Variants in UBE2E2 observed in about 807,000 individuals in gnomAD.
UBE2E2 encodes the protein ubiquitin-conjugating enzyme E2 E2.
In UBE2E2, 6 loss-of-function variants were observed where a neutral mutation model predicts 24.7. That is an observed-to-expected ratio of 0.24 (90% CI 0.13 to 0.48). The LOEUF (loss-of-function observed/expected upper bound fraction) is 0.48. UBE2E2 is among the 20% of genes least tolerant of loss of function. The pLI, the probability that UBE2E2 is intolerant of heterozygous loss-of-function variation, is 0.99. For synonymous variants in UBE2E2, 104 were observed against 83.6 expected, an observed-to-expected ratio of 1.24 and a Z score of -1.33; for missense variants, 169 against 245.0, an observed-to-expected ratio of 0.69 and a Z score of 2.07.
chr3:23,572,317 C>T (rs1696247786), intron 5 of UBE2E2, among the ~76,000 whole-genome samples: 1 of 152,152 alleles, frequency 6.6e-6, no homozygotes, highest in African/African-American at 2.4e-5. Flanking sequence ...GTCCTAATCA[C>T]TTCATTTTAG....
At chr3:23,320,022 T>G (rs1041490063) in intron 3 of UBE2E2, among the ~76,000 whole-genome samples, 2 of 152,108 alleles carry the variant, frequency 1.3e-5, no homozygotes, top group Non-Finnish European at 1.5e-5. Context: ...AGAAGGAGAC[T>G]TGTCACACAC....
intron 3 of UBE2E2, among the ~76,000 whole-genome samples, chr3:23,219,891 C>G (rs949136646): frequency 2.0e-5 from 3 of 152,126 alleles, no homozygotes; most frequent in Non-Finnish European, 4.4e-5. Context: ...GTGTCACATT[C>G]CACTTTGAGT....
At chr3:23,220,625 G>A (rs999843799) in intron 3 of UBE2E2, among the ~76,000 whole-genome samples, 1 of 152,170 alleles carries the variant, frequency 6.6e-6, no homozygotes, top group South Asian at 2.1e-4. Flanking sequence ...CTATCCTGAG[G>A]CCTTCACAGA....
chr3:23,454,682 C>T (rs184569429), intron 3 of UBE2E2, among the ~76,000 whole-genome samples: 62 of 152,260 alleles, frequency 4.1e-4, no homozygotes, highest in Non-Finnish European at 7.9e-4. Context: ...AGAAATAATA[C>T]GTGAATATGC....
chr3:23,396,927 G>A (rs1209166890), intron 3 of UBE2E2, among the ~76,000 whole-genome samples: 1 of 152,176 alleles, frequency 6.6e-6, no homozygotes, highest in African/African-American at 2.4e-5. Flanking sequence ...CTAGAAAGGT[G>A]AACAATAGAG....
intron 3 of UBE2E2, among the ~76,000 whole-genome samples, chr3:23,239,590 A>G (rs1697206194): frequency 6.6e-6 from 1 of 152,178 alleles, no homozygotes. Flanking sequence ...TTAGTTTTAT[A>G]ATAAAAAAGG....
At chr3:23,396,377 TTATA>T (rs994208093) in intron 3 of UBE2E2, among the ~76,000 whole-genome samples, 8 of 148,232 alleles carry the variant, frequency 5.4e-5, no homozygotes, top group African/African-American at 1.5e-4. Context: ...AAATAAAAAA[TTATA>T]TATGTATGTA....
chr3:23,578,581 T>TAG (rs1035289748), intron 5 of UBE2E2, among the ~76,000 whole-genome samples: 1 of 152,220 alleles, frequency 6.6e-6, no homozygotes, highest in African/African-American at 2.4e-5. Context: ...ATACACACCA[T>TAG]AGAATACTGT....
At chr3:23,243,709 T>A (rs1313288571) in intron 3 of UBE2E2, among the ~76,000 whole-genome samples, 1 of 152,034 alleles carries the variant, frequency 6.6e-6, no homozygotes, top group Non-Finnish European at 1.5e-5. Flanking sequence ...CTTTGTGGTA[T>A]TTTAAAAATC....
rs1180990882 is a variant in UBE2E2, at chr3:23,475,545, T to C, written c.228-24063T>C. Among the ~76,000 whole-genome samples the C allele has an allele frequency of 2.0e-5, 3 of 152,050 alleles. 1 individual carries two copies. Among genetic ancestry groups the C allele is most frequent in the African/African-American group, 7.3e-5 (3 of 41,302 alleles). On this transcript the variant is annotated intron_variant, in intron 3 of 5. Coordinates refer to ENST00000396703, the MANE Select transcript of UBE2E2 (RefSeq NM_152653.4). The stretch of plus-strand genomic sequence containing the variant: ...ACTGCTATCAGGGTGATCTTTTTCA[T>C]ATGAAAATCTGTTGTTCCATGAAAG...
intron 3 of UBE2E2, among the ~76,000 whole-genome samples, chr3:23,218,656 T>C (rs1696545840): frequency 6.6e-6 from 1 of 152,114 alleles, no homozygotes; most frequent in Non-Finnish European, 1.5e-5. Context: ...ACTTCTTTGC[T>C]TAAATTTTGA....
At chr3:23,425,280 A>C (rs959647083) in intron 3 of UBE2E2, among the ~76,000 whole-genome samples, 9 of 152,180 alleles carry the variant, frequency 5.9e-5, no homozygotes, top group Non-Finnish European at 1.2e-4. Context: ...CCCAGTTCTG[A>C]TGACATTAAA....
chr3:23,212,070 G>A (rs1417790895), intron 2 of UBE2E2, among the ~76,000 whole-genome samples: 1 of 152,206 alleles, frequency 6.6e-6, no homozygotes, highest in Non-Finnish European at 1.5e-5. Flanking sequence ...TACTATAATT[G>A]TAGAATTAAT....
At chr3:23,373,571 G>C (rs987508659) in intron 3 of UBE2E2, among the ~76,000 whole-genome samples, 17 of 152,186 alleles carry the variant, frequency 1.1e-4, no homozygotes, top group Non-Finnish European at 2.1e-4. Context: ...ATGTATAGCA[G>C]GGAGACTTGC....
chr3:23,368,354 T>C (rs1038884720), intron 3 of UBE2E2, among the ~76,000 whole-genome samples: 2 of 152,146 alleles, frequency 1.3e-5, no homozygotes, highest in Non-Finnish European at 2.9e-5. Context: ...TCCCACAACC[T>C]CAAAAGATTG....
At chr3:23,572,368 A>G in intron 5 of UBE2E2, among the ~76,000 whole-genome samples, 1 of 152,190 alleles carries the variant, frequency 6.6e-6, no homozygotes, top group East Asian at 1.9e-4. Context: ...TGATAACATT[A>G]TATATGTATG....
chr3:23,430,201 T>A (rs561709980), intron 3 of UBE2E2, among the ~76,000 whole-genome samples: 1 of 152,334 alleles, frequency 6.6e-6, no homozygotes, highest in East Asian at 1.9e-4. Flanking sequence ...TTGGATCTTA[T>A]CTCTGCCACC....
intron 3 of UBE2E2, among the ~76,000 whole-genome samples, chr3:23,278,838 A>G (rs986220001): frequency 7.2e-5 from 11 of 152,164 alleles, no homozygotes; most frequent in Admixed American, 7.2e-4. Context: ...ATGAAAACCT[A>G]AGTTTCCAAA....
chr3:23,576,257 T>G (rs1696344818), intron 5 of UBE2E2, among the ~76,000 whole-genome samples: 1 of 152,104 alleles, frequency 6.6e-6, no homozygotes, highest in Non-Finnish European at 1.5e-5. Flanking sequence ...TTTCTCTCAT[T>G]TTAAGACAAC....
Sources: allele counts gnomAD v4.1 joint callset (sites outside exome capture counted in the v4.1 genomes callset), GRCh38; gene constraint gnomAD v4.1.1; transcripts MANE v1.5; gene names NCBI Gene and HGNC (gene_info 2026-07-23, HGNC 2026-07-21).